Variants in DCC observed in about 807,000 individuals in gnomAD.
DCC encodes the protein DCC netrin 1 receptor.
Under a neutral mutation model 172.5 loss-of-function variants are expected in DCC, and 58 were observed. The ratio of observed to expected loss-of-function variants is 0.34; its 90% CI spans 0.27 to 0.42. DCC has a LOEUF of 0.42. DCC is among the 10% of genes least tolerant of loss of function. The pLI, the probability that DCC is intolerant of heterozygous loss-of-function variation, is 1.00. For missense variants in DCC, 1,740 were observed against 1,791.0 expected, an observed-to-expected ratio of 0.97 and a Z score of 0.51; for synonymous variants, 709 against 644.5, an observed-to-expected ratio of 1.10 and a Z score of -1.52.
intron 7 of DCC, among the ~76,000 whole-genome samples, chr18:53,116,125 C>T (rs998468614): frequency 3.3e-5 from 5 of 151,756 alleles, no homozygotes; most frequent in African/African-American, 4.8e-5. Context: ...ATTTGCAACA[C>T]ATGATGTTAA....
intron 2 of DCC, among the ~76,000 whole-genome samples, chr18:52,865,597 C>G (rs1218730749): frequency 6.6e-6 from 1 of 151,578 alleles, no homozygotes; most frequent in African/African-American, 2.4e-5. Context: ...TCTCTAATGA[C>G]CAGTGATGAT....
At position 52,361,137 on chromosome 18, in the gene DCC, C is replaced by A. The variant is rs557823034; in HGVS notation, c.91+20259C>A. Among the ~76,000 whole-genome samples, 10 of 152,286 alleles carry A rather than the reference C, an allele frequency of 6.6e-5. No individual in the cohort carries two copies. The South Asian group carries it at 8.3e-4, about 13-fold the overall frequency. On this transcript the variant is annotated intron_variant, in intron 1 of 28. Transcript: ENST00000442544. The stretch of plus-strand genomic sequence containing the variant: ...CCTTCTCAAACTTTAATATACATTT[C>A]TATCCTTATCTTTATTATAATTTCT...
intron 7 of DCC, among the ~76,000 whole-genome samples, chr18:53,067,021 G>A (rs969257747): frequency 1.3e-5 from 2 of 152,170 alleles, no homozygotes; most frequent in Middle Eastern, 3.4e-3. Flanking sequence ...TACCAGCAGG[G>A]AAATCTGCCC....
intron 12 of DCC, among the ~76,000 whole-genome samples, chr18:53,299,799 A>T (rs1308721842): frequency 6.6e-6 from 1 of 152,192 alleles, no homozygotes; most frequent in Non-Finnish European, 1.5e-5. Context: ...GACTCATGTT[A>T]TCTCAGTTAA....
At chr18:52,828,222 A>C (rs6508164) in intron 2 of DCC, among the ~76,000 whole-genome samples, 75,851 of 151,968 alleles carry the variant, frequency 0.5, 21,497 homozygotes, top group African/African-American at 0.77. Context: ...CTCCTTCATG[A>C]TGGATTTTTG....
At chr18:52,829,349 G>C (rs539125945) in intron 2 of DCC, among the ~76,000 whole-genome samples, 13 of 152,306 alleles carry the variant, frequency 8.5e-5, no homozygotes, top group African/African-American at 2.9e-4. Flanking sequence ...TAGTTGCAGT[G>C]CTGGAAGAAC....
chr18:53,432,543 G>A (rs983605481), intron 21 of DCC, among the ~76,000 whole-genome samples: 3 of 151,964 alleles, frequency 2.0e-5, no homozygotes, highest in Non-Finnish European at 2.9e-5. Context: ...TCTCTTTCTC[G>A]AAATCAGTGC....
rs148074177 is a variant in DCC, at chr18:52,490,627, T to G, written c.91+149749T>G. ...TGTCACCAAAGACCTTCAAACGTTT[T>G]CAAATCTTGAATATTCTTTTTCCTA... On this transcript the variant is annotated intron_variant, in intron 1 of 28. Transcript: ENST00000442544. Among the ~76,000 whole-genome samples, 384 of 152,220 alleles carry G rather than the reference T, an allele frequency of 2.5e-3. 2 individuals carry two copies. Among genetic ancestry groups the G allele is most frequent in the African/African-American group, 8.9e-3 (372 of 41,566 alleles).
intron 23 of DCC, among the ~76,000 whole-genome samples, chr18:53,456,975 A>C (rs942677592): frequency 2.0e-5 from 3 of 152,218 alleles, no homozygotes; most frequent in African/African-American, 7.2e-5. Context: ...GAGGCTCTCC[A>C]AGGCCAAAGA....
intron 1 of DCC, among the ~76,000 whole-genome samples, chr18:52,389,317 T>G (rs1278601388): frequency 6.6e-6 from 1 of 152,160 alleles, no homozygotes; most frequent in African/African-American, 2.4e-5. Context: ...CAACAAATAA[T>G]TTTTAGTATA....
intron 9 of DCC, among the ~76,000 whole-genome samples, chr18:53,186,996 C>T (rs114809437): frequency 0.027 from 4,181 of 152,088 alleles, 61 homozygotes; most frequent in Admixed American, 0.046. Flanking sequence ...AGGGTAGAGC[C>T]CTCATGGCCT....
chr18:53,322,901 T>C (rs1392447058), intron 14 of DCC, among the ~76,000 whole-genome samples: 1 of 151,888 alleles, frequency 6.6e-6, no homozygotes, highest in East Asian at 1.9e-4. Context: ...TAAGAATTCA[T>C]AAAAATGAGA....
intron 5 of DCC, chr18:52,931,843 T>C (rs987810214): frequency 6.6e-6 from 1 of 152,128 alleles, no homozygotes; most frequent in African/African-American, 2.4e-5. Flanking sequence ...TGCACTAGGT[T>C]CTGGGAAGAC....
intron 1 of DCC, among the ~76,000 whole-genome samples, chr18:52,391,790 A>T (rs769975920): frequency 6.6e-6 from 1 of 152,122 alleles, no homozygotes; most frequent in Non-Finnish European, 1.5e-5. Flanking sequence ...CCCTGGATCT[A>T]TTGGGGGTAG....
intron 1 of DCC, among the ~76,000 whole-genome samples, chr18:52,424,105 C>T (rs1256461362): frequency 6.6e-6 from 1 of 152,022 alleles, no homozygotes; most frequent in Non-Finnish European, 1.5e-5. Flanking sequence ...AATTGGTTTG[C>T]TTATTTTATC....
intron 1 of DCC, among the ~76,000 whole-genome samples, chr18:52,626,420 T>C (rs2034574242): frequency 6.6e-6 from 1 of 152,202 alleles, no homozygotes; most frequent in South Asian, 2.1e-4. Flanking sequence ...TCCTGGAATA[T>C]TATAATAGCC....
intron 12 of DCC, among the ~76,000 whole-genome samples, chr18:53,217,283 A>G (rs2055867184): frequency 8.4e-6 from 1 of 119,192 alleles, no homozygotes; most frequent in African/African-American, 4.7e-5. Context: ...ACACACACAC[A>G]CACACACACA....
At chr18:52,788,029 C>T (rs192790940) in intron 2 of DCC, among the ~76,000 whole-genome samples, 2 of 152,244 alleles carry the variant, frequency 1.3e-5, no homozygotes, top group African/African-American at 2.4e-5. Flanking sequence ...TGTCTTAAGA[C>T]AGTCTTGCTG....
At chr18:52,908,606 G>T (rs953570372) in intron 3 of DCC, among the ~76,000 whole-genome samples, 1 of 126,942 alleles carries the variant, frequency 7.9e-6, no homozygotes. Context: ...AATTTGAAAT[G>T]CAGTTTTAAA....
Sources: allele counts gnomAD v4.1 joint callset (sites outside exome capture counted in the v4.1 genomes callset), GRCh38; gene constraint gnomAD v4.1.1; transcripts MANE v1.5; gene names NCBI Gene and HGNC (gene_info 2026-07-23, HGNC 2026-07-21).